SLC25A12: variants seen among roughly 807,000 people sequenced by gnomAD.
SLC25A12 encodes the protein solute carrier family 25 member 12, also known as electrogenic aspartate/glutamate antiporter SLC25A12, mitochondrial.
A neutral mutation model predicts 83.3 loss-of-function variants in SLC25A12; 32 were observed. That is an observed-to-expected ratio of 0.38 (90% CI 0.29 to 0.52). The LOEUF is 0.52. SLC25A12 is among the 20% of genes least tolerant of loss of function. The pLI is 0.84. For synonymous variants in SLC25A12, 267 were observed against 291.1 expected (o/e 0.92, Z 0.84); for missense variants, 611 against 835.6 (o/e 0.73, Z 3.31).
chr2:171,876,316 C>T (rs1685569771), intron 2 of SLC25A12, among the ~76,000 whole-genome samples: 1 of 152,242 alleles, frequency 6.6e-6, no homozygotes, highest in Middle Eastern at 3.4e-3. Context: ...CTACAGGAGA[C>T]AGTTAACTAA....
intron 8 of SLC25A12, among the ~76,000 whole-genome samples, chr2:171,833,441 C>T (rs910972291): frequency 1.3e-5 from 2 of 152,108 alleles, no homozygotes; most frequent in African/African-American, 4.8e-5. Flanking sequence ...GGTCTGGACA[C>T]AGGGAGCCTT....
intron 5 of SLC25A12, among the ~76,000 whole-genome samples, chr2:171,838,156 C>A (rs1470040286): frequency 2.0e-5 from 3 of 152,168 alleles, no homozygotes; most frequent in Non-Finnish European, 4.4e-5. Flanking sequence ...ATAGTCATAT[C>A]TAAGTATATA....
At chr2:171,875,370 G>A (rs1685542471) in intron 2 of SLC25A12, among the ~76,000 whole-genome samples, 1 of 152,042 alleles carries the variant, frequency 6.6e-6, no homozygotes, top group Non-Finnish European at 1.5e-5. Flanking sequence ...TCCTTGCTTT[G>A]CTGGGCGTTT....
intron 14 of SLC25A12, among the ~76,000 whole-genome samples, chr2:171,793,059 C>T (rs1473288632): frequency 6.6e-6 from 1 of 151,700 alleles, no homozygotes; most frequent in Non-Finnish European, 1.5e-5. Flanking sequence ...AGTAAGTATA[C>T]CCGCAGGGAA....
At chr2:171,797,133 T>C (rs1683614060) in intron 13 of SLC25A12, among the ~76,000 whole-genome samples, 1 of 152,200 alleles carries the variant, frequency 6.6e-6, no homozygotes, top group South Asian at 2.1e-4. Context: ...TTGCAGTAAA[T>C]ATAATCTTTA....
chr2:171,822,487 A>G (rs1684213917), intron 9 of SLC25A12, among the ~76,000 whole-genome samples: 1 of 152,126 alleles, frequency 6.6e-6, no homozygotes, highest in African/African-American at 2.4e-5. Flanking sequence ...GGGCTCAAGC[A>G]ATCCTCCCAC....
At chr2:171,853,040 A>T (rs1284167970) in intron 4 of SLC25A12, among the ~76,000 whole-genome samples, 1 of 152,210 alleles carries the variant, frequency 6.6e-6, no homozygotes, top group Admixed American at 6.5e-5. Flanking sequence ...TAAATTTTTT[A>T]GAGACTGGGT....
intron 8 of SLC25A12, among the ~76,000 whole-genome samples, chr2:171,829,236 C>A (rs548192791): frequency 6.6e-6 from 1 of 152,230 alleles, no homozygotes; most frequent in South Asian, 2.1e-4. Context: ...GTCTTAATTA[C>A]AACACCATCC....
intron 9 of SLC25A12, among the ~76,000 whole-genome samples, chr2:171,819,168 C>T (rs866837173): frequency 3.1e-5 from 4 of 127,092 alleles, no homozygotes; most frequent in Non-Finnish European, 4.8e-5. Context: ...ATATATAATA[C>T]GTATTATATA....
chr2:171,800,408 A>C (rs190653956), intron 13 of SLC25A12, among the ~76,000 whole-genome samples: 14 of 152,222 alleles, frequency 9.2e-5, no homozygotes, highest in African/African-American at 3.4e-4. Flanking sequence ...AATCAGAAGA[A>C]TGCAAATTTA....
chr2:171,788,468 C>G (rs1190444269), intron 15 of SLC25A12: 1 of 167,198 alleles, frequency 6.0e-6, no homozygotes, highest in African/African-American at 2.4e-5. Context: ...TTGACTGTGA[C>G]TCCTTTCAGA....
intron 13 of SLC25A12, among the ~76,000 whole-genome samples, chr2:171,795,300 A>C (rs1280822003): frequency 6.6e-6 from 1 of 152,142 alleles, no homozygotes; most frequent in South Asian, 2.1e-4. Flanking sequence ...CCAATTTTAC[A>C]TGTTGATTTG....
intron 14 of SLC25A12, 65 bp downstream of exon 14, chr2:171,793,562 G>T: frequency 6.6e-7 from 1 of 1,513,824 alleles, no homozygotes; most frequent in Non-Finnish European, 9.2e-7. Flanking sequence ...AACTTGGAGG[G>T]AAGAAGTCTG....
chr2:171,804,252 C>CTTAT (rs71401456), intron 13 of SLC25A12, among the ~76,000 whole-genome samples: 70,021 of 150,594 alleles, frequency 0.46, 18,633 homozygotes, highest in East Asian at 0.69. Context: ...ATCATGATTC[C>CTTAT]TTATTTATTT....
intron 9 of SLC25A12, among the ~76,000 whole-genome samples, chr2:171,819,239 T>C (rs1684123901): frequency 7.9e-6 from 1 of 126,446 alleles, no homozygotes. Context: ...ATGTATATAA[T>C]ATATACTAAT....
intron 13 of SLC25A12, among the ~76,000 whole-genome samples, chr2:171,801,918 TG>T (rs1683716343): frequency 7.2e-6 from 1 of 138,472 alleles, no homozygotes; most frequent in Non-Finnish European, 1.6e-5. Context: ...TGTGTGTGTG[TG>T]TGTGTGTGTG....
Position 171,791,604 on chromosome 2 carries a change from G to C in SLC25A12, c.1447-15C>G. On this transcript the variant is annotated splice_polypyrimidine_tract_variant and intron_variant, in intron 14 of 17. Transcript: ENST00000422440. ...GCTTTGGCACCCTGTCACACAGTGA[G>C]GAAATAGTGCAAAACAGTGTGAAAC... The C allele has an allele frequency of 1.2e-6, 2 of 1,612,866 alleles. No individual in the cohort carries two copies. Among genetic ancestry groups the C allele is most frequent in the Non-Finnish European group, 1.7e-6 (2 of 1,178,900 alleles).
intron 9 of SLC25A12, among the ~76,000 whole-genome samples, chr2:171,822,741 G>C (rs1473380839): frequency 6.6e-6 from 1 of 152,166 alleles, no homozygotes; most frequent in Non-Finnish European, 1.5e-5. Context: ...TACATAATCA[G>C]TGGCCAGGCT....
intron 15 of SLC25A12, chr2:171,788,156 T>A: frequency 3.6e-6 from 2 of 553,426 alleles, no homozygotes; most frequent in Middle Eastern, 4.9e-4. Context: ...TATTTTTTCC[T>A]GAATTAAAAA....
Sources: allele counts gnomAD v4.1 joint callset (sites outside exome capture counted in the v4.1 genomes callset), GRCh38; gene constraint gnomAD v4.1.1; transcripts MANE v1.5; gene names NCBI Gene and HGNC (gene_info 2026-07-23, HGNC 2026-07-21).